VOPP1: variants seen among roughly 807,000 people sequenced by gnomAD.
VOPP1 encodes WW domain binding protein VOPP1.
A neutral mutation model predicts 23.5 loss-of-function variants in VOPP1; 8 were observed. The observed-to-expected ratio is 0.34, with a 90% confidence interval of 0.20 to 0.61. The LOEUF (loss-of-function observed/expected upper bound fraction) is 0.61, where lower values mean the gene tolerates loss of function less well. Among genes scored for constraint, VOPP1 ranks in the 20% least tolerant of loss-of-function variants. The pLI, the probability that VOPP1 is intolerant of heterozygous loss-of-function variation, is 0.78. For synonymous variants in VOPP1, 83 were observed against 97.3 expected (o/e 0.85, Z 0.86); for missense variants, 174 against 238.1 (o/e 0.73, Z 1.77).
intron 4 of VOPP1, among the ~76,000 whole-genome samples, chr7:55,478,466 T>C (rs1177288535): frequency 6.6e-6 from 1 of 152,122 alleles, no homozygotes. Flanking sequence ...GGGCTTTGCA[T>C]GTGCACAGAG....
At chr7:55,516,926 A>ATTTTTTTTTT (rs1562947471) in intron 2 of VOPP1, among the ~76,000 whole-genome samples, 1 of 45,748 alleles carries the variant, frequency 2.2e-5, no homozygotes, top group African/African-American at 1.1e-4. Flanking sequence ...ATATATATAT[A>ATTTTTTTTTT]TATATATTTT....
chr7:55,486,724 G>A (rs1793174231), intron 4 of VOPP1, among the ~76,000 whole-genome samples: 1 of 152,226 alleles, frequency 6.6e-6, no homozygotes, highest in Non-Finnish European at 1.5e-5. Flanking sequence ...GAGAATGTAT[G>A]AATAGATTGG....
chr7:55,493,482 C>T (rs1793727119), intron 3 of VOPP1, among the ~76,000 whole-genome samples: 1 of 152,230 alleles, frequency 6.6e-6, no homozygotes, highest in Admixed American at 6.5e-5. Flanking sequence ...GATGTCAAGG[C>T]CTTCAGCCAG....
intron 4 of VOPP1, 84 bp downstream of exon 4, chr7:55,492,198 A>C: frequency 6.7e-7 from 1 of 1,487,956 alleles, no homozygotes; most frequent in Non-Finnish European, 9.0e-7. Flanking sequence ...TTCTGGCAGT[A>C]CCCTTTCTGC....
At chr7:55,453,069 C>T (rs912502059) in intron 4 of VOPP1, among the ~76,000 whole-genome samples, 1 of 152,174 alleles carries the variant, frequency 6.6e-6, no homozygotes, top group African/African-American at 2.4e-5. Context: ...TCGAGTGTAG[C>T]CACCCTCCTC....
At chr7:55,515,202 A>G (rs1310586588) in intron 2 of VOPP1, among the ~76,000 whole-genome samples, 2 of 152,106 alleles carry the variant, frequency 1.3e-5, no homozygotes, top group Non-Finnish European at 2.9e-5. Context: ...CTCAATGGAG[A>G]TGGTGACATT....
intron 1 of VOPP1, chr7:55,561,901 T>TC (rs1798001663): frequency 1.4e-6 from 1 of 701,290 alleles, no homozygotes; most frequent in Admixed American, 2.0e-5. Context: ...CTGAGGGTCT[T>TC]CAAGTATGGT....
chr7:55,492,481 C>CA, intron 3 of VOPP1, 63 bp from the exon 4 acceptor site: 1 of 1,532,324 alleles, frequency 6.5e-7, no homozygotes, highest in Non-Finnish European at 8.8e-7. Flanking sequence ...CTTGGCCCTA[C>CA]AGCTCAAAGG....
At chr7:55,558,838 A>AAG (rs749228200) in intron 1 of VOPP1, among the ~76,000 whole-genome samples, 23 of 152,174 alleles carry the variant, frequency 1.5e-4, no homozygotes, top group Admixed American at 9.8e-4. Flanking sequence ...CTGACTGACA[A>AAG]AGAGCTATTT....
intron 1 of VOPP1, among the ~76,000 whole-genome samples, chr7:55,560,210 T>C (rs957145211): frequency 5.3e-5 from 8 of 152,134 alleles, no homozygotes; most frequent in African/African-American, 1.9e-4. Flanking sequence ...AAAATATCCA[T>C]TTTAAGCAAC....
At chr7:55,560,726 C>A (rs62455000) in intron 1 of VOPP1, among the ~76,000 whole-genome samples, 1 of 152,186 alleles carries the variant, frequency 6.6e-6, no homozygotes, top group Non-Finnish European at 1.5e-5. Context: ...ACAGAGGTCA[C>A]AGCAAGTTCT....
At chr7:55,449,245 C>G (rs913699438) in intron 4 of VOPP1, among the ~76,000 whole-genome samples, 4 of 152,232 alleles carry the variant, frequency 2.6e-5, no homozygotes, top group South Asian at 2.1e-4. Context: ...CCCGATCCCG[C>G]GGCACAGGGG....
At chr7:55,505,668 AGGGAGGGAGGGAGGGAGGG>A (rs1794672591) in intron 2 of VOPP1, among the ~76,000 whole-genome samples, 2 of 4,012 alleles carry the variant, frequency 5.0e-4, no homozygotes, top group African/African-American at 9.7e-4. Flanking sequence ...GGAGGGAGGG[AGGGAGGGAGGGAGGGAGGG>A]AGGGAGGGAG....
intron 4 of VOPP1, among the ~76,000 whole-genome samples, chr7:55,444,017 A>G (rs930520313): frequency 2.5e-4 from 38 of 152,218 alleles, no homozygotes; most frequent in African/African-American, 8.4e-4. Flanking sequence ...GATTTGCTTC[A>G]ATATGATGCA....
chr7:55,512,196 C>T (rs1334712696), intron 2 of VOPP1, among the ~76,000 whole-genome samples: 2 of 152,166 alleles, frequency 1.3e-5, no homozygotes, highest in Non-Finnish European at 2.9e-5. Flanking sequence ...GAGGCCGAGG[C>T]AGGCGGATCA....
downstream of VOPP1, among the ~76,000 whole-genome samples, chr7:55,435,854 A>G (rs1335094005): frequency 1.3e-5 from 2 of 152,204 alleles, no homozygotes; most frequent in Admixed American, 1.3e-4. Flanking sequence ...CATTGTGCTG[A>G]GTGCTGTGAG....
At position 55,563,134 on chromosome 7, in the gene VOPP1, T is replaced by C. The variant is rs188355351; in HGVS notation, c.54+9137A>G. On this transcript the variant is annotated intron_variant, in intron 1 of 4. Coordinates refer to ENST00000285279, the MANE Select transcript of VOPP1 (RefSeq NM_030796.5). ...ATAAAAATGATAAATCAATTAGTCT[T>C]TTTAAATTTTTTGGAGGTATATCTG... Among the ~76,000 whole-genome samples the C allele has an allele frequency of 2.6e-4, 39 of 152,348 alleles. No homozygotes were observed. In the East Asian group the frequency reaches 5.8e-3, roughly 23 times the overall value.
At chr7:55,497,544 A>G in intron 3 of VOPP1, 69 bp downstream of exon 3, 1 of 1,315,698 alleles carries the variant, frequency 7.6e-7, no homozygotes. Flanking sequence ...CAAGGCTGTG[A>G]CAACACTGAT....
chr7:55,504,223 T>C (rs1794557961), intron 2 of VOPP1, among the ~76,000 whole-genome samples: 1 of 152,200 alleles, frequency 6.6e-6, no homozygotes, highest in African/African-American at 2.4e-5. Flanking sequence ...CCCTGCCAGC[T>C]AACCCTGCTT....
Sources: gnomAD v4.1 joint callset for allele counts (sites outside exome capture counted in the v4.1 genomes callset) on GRCh38, gnomAD v4.1.1 for gene constraint, MANE v1.5 for transcripts, NCBI Gene and HGNC (gene_info 2026-07-23, HGNC 2026-07-21) for gene names.